TET1: variants seen among roughly 807,000 people sequenced by gnomAD.
The protein encoded by TET1 is tet methylcytosine dioxygenase 1, also known as methylcytosine dioxygenase TET1.
TET1 carries 13 observed loss-of-function variants against 148.7 expected under a neutral mutation model. That is an observed-to-expected ratio of 0.09 (90% confidence interval 0.06 to 0.14). TET1 has a LOEUF of 0.14. Among genes scored for constraint, TET1 ranks in the 10% least tolerant of loss-of-function variants. TET1 has a pLI of 1.00. For synonymous variants in TET1, 907 were observed against 937.2 expected (o/e 0.97, Z 0.59); for missense variants, 2,182 against 2,553.8 (o/e 0.85, Z 3.14).
At chr10:68,659,775 A>T (rs982788163) in intron 6 of TET1, among the ~76,000 whole-genome samples, 6 of 152,236 alleles carry the variant, frequency 3.9e-5, no homozygotes. Flanking sequence ...AAAAGTATAC[A>T]TACCATAAGG....
intron 3 of TET1, among the ~76,000 whole-genome samples, chr10:68,643,012 C>A (rs528651197): frequency 4.6e-5 from 7 of 152,082 alleles, no homozygotes; most frequent in South Asian, 2.1e-4. Flanking sequence ...AACCCCAGTA[C>A]TTTGGGAGGT....
chr10:68,612,609 G>C (rs2054232929), intron 3 of TET1, among the ~76,000 whole-genome samples: 2 of 151,772 alleles, frequency 1.3e-5, no homozygotes, highest in Non-Finnish European at 2.9e-5. Context: ...CTATATGTAT[G>C]GGGGTTTTTT....
At chr10:68,595,068 G>A (rs1294823424) in intron 2 of TET1, among the ~76,000 whole-genome samples, 1 of 150,938 alleles carries the variant, frequency 6.6e-6, no homozygotes, top group Non-Finnish European at 1.5e-5. Flanking sequence ...TGGGAGGATC[G>A]CTTGAGCCCA....
At chr10:68,589,609 G>A (rs2053896485) in intron 2 of TET1, among the ~76,000 whole-genome samples, 2 of 150,900 alleles carry the variant, frequency 1.3e-5, no homozygotes, top group Non-Finnish European at 2.9e-5. Flanking sequence ...CAGCCTTAGT[G>A]CTCTGGGAGA....
At chr10:68,569,921 A>AT (rs2053648344) in intron 1 of TET1, among the ~76,000 whole-genome samples, 1 of 152,284 alleles carries the variant, frequency 6.6e-6, no homozygotes, top group Admixed American at 6.5e-5. Flanking sequence ...AAGAAGCTTT[A>AT]TAGTGAATCT....
At chr10:68,658,811 T>C (rs3858149) in intron 6 of TET1, among the ~76,000 whole-genome samples, 110,493 of 152,016 alleles carry the variant, frequency 0.73, 41,675 homozygotes, top group East Asian at 0.84. Flanking sequence ...GAGGCTGCAG[T>C]GAACTGAGAT....
At chr10:68,615,356 C>CTTTT (rs71019038) in intron 3 of TET1, among the ~76,000 whole-genome samples, 3 of 145,280 alleles carry the variant, frequency 2.1e-5, no homozygotes, top group African/African-American at 7.6e-5. Context: ...CTTTTCTTTT[C>CTTTT]TTTTTTTGAG....
At chr10:68,567,500 G>T (rs1036391321) in intron 1 of TET1, among the ~76,000 whole-genome samples, 1 of 151,892 alleles carries the variant, frequency 6.6e-6, no homozygotes, top group African/African-American at 2.4e-5. Flanking sequence ...CTCCATGTTG[G>T]TCACGCTGGT....
chr10:68,628,288 C>T (rs2054518683), intron 3 of TET1, among the ~76,000 whole-genome samples: 1 of 152,144 alleles, frequency 6.6e-6, no homozygotes, highest in African/African-American at 2.4e-5. Context: ...GAGAAGAATG[C>T]AATAAAGGCC....
chr10:68,572,436 G>C lies in TET1; in HGVS notation c.98G>C (p.Gly33Ala). The C allele has an allele frequency of 1.9e-6, 3 of 1,613,960 alleles. No homozygotes were observed. Among genetic ancestry groups the C allele is most frequent in the Non-Finnish European group, 2.5e-6 (3 of 1,179,988 alleles). Reference sequence around the variant, plus strand: ...AGCCAACTACGAAAGACAACCAAGGGAGCCAACAAAAATGTGGCATCAGTC... The same window carrying C: ...AGCCAACTACGAAAGACAACCAAGGCAGCCAACAAAAATGTGGCATCAGTC... ...KNSQLRKTTK[G>A]ANKNVASVKT... The change falls in exon 2 of 12, where the codon GGA (glycine) becomes GCA (alanine). Residue 33 changes from glycine (G) to alanine (A), a missense_variant. Physicochemically the swap from Gly to Ala is moderately conservative, Grantham distance 60. Coordinates refer to ENST00000373644, the MANE Select transcript of TET1 (RefSeq NM_030625.3).
intron 6 of TET1, among the ~76,000 whole-genome samples, chr10:68,664,187 A>G (rs2055162275): frequency 6.6e-6 from 1 of 152,056 alleles, no homozygotes; most frequent in Non-Finnish European, 1.5e-5. Context: ...ATTGTCGGAC[A>G]TATATTCATA....
chr10:68,611,554 G>A (rs2054210488), intron 3 of TET1, among the ~76,000 whole-genome samples: 1 of 152,040 alleles, frequency 6.6e-6, no homozygotes, highest in South Asian at 2.1e-4. Context: ...CAGGAGGCTA[G>A]GGTGAGAGGA....
Position 68,693,847 on chromosome 10 carries a change from C to T in TET1, c.*2033C>T, listed in dbSNP as rs1022067247. The T allele has an allele frequency of 3.0e-5, 7 of 231,220 alleles. No homozygotes were observed. The highest frequency in any genetic ancestry group is 1.5e-4 in the African/African-American group (7 of 45,236). 14.3% of individuals were successfully genotyped at this position (231,220 alleles called of 1,614,324 possible). A position where few individuals can be genotyped will look rare whatever the true frequency, so the allele number is the denominator to read the frequency against. ...GCTCCCACTAGAAATTATTTCTTCA[C>T]CAGATTTAATGGATAAAGTTTTATG... On this transcript the variant is annotated 3_prime_UTR_variant, in exon 12 of 12. Coordinates refer to ENST00000373644, the MANE Select transcript of TET1 (RefSeq NM_030625.3).
At chr10:68,610,222 G>T (rs1424671578) in intron 3 of TET1, among the ~76,000 whole-genome samples, 1 of 152,070 alleles carries the variant, frequency 6.6e-6, no homozygotes, top group African/African-American at 2.4e-5. Context: ...GATGGAGCTT[G>T]CAGTGAGCTG....
intron 8 of TET1, among the ~76,000 whole-genome samples, chr10:68,681,078 C>T (rs973843582): frequency 2.0e-5 from 3 of 152,152 alleles, no homozygotes; most frequent in African/African-American, 7.2e-5. Flanking sequence ...TGCATTTATT[C>T]CAAGTGTGCA....
intron 6 of TET1, among the ~76,000 whole-genome samples, chr10:68,664,040 C>T (rs551544870): frequency 2.0e-5 from 3 of 152,188 alleles, no homozygotes; most frequent in East Asian, 3.9e-4. Context: ...GCTCCCATCG[C>T]GCAGGCTGTA....
chr10:68,598,911 G>A (rs2054019474), intron 2 of TET1, among the ~76,000 whole-genome samples: 1 of 151,878 alleles, frequency 6.6e-6, no homozygotes, highest in African/African-American at 2.4e-5. Flanking sequence ...GGTCTCAAAC[G>A]CCTGACCTCA....
chr10:68,657,429 G>T (rs537824865), intron 6 of TET1, among the ~76,000 whole-genome samples: 4 of 152,288 alleles, frequency 2.6e-5, no homozygotes, highest in African/African-American at 9.6e-5. Context: ...GCCCACCTCA[G>T]CCTCCCAAAG....
intron 6 of TET1, among the ~76,000 whole-genome samples, chr10:68,661,225 G>GTTTTTT (rs1564498225): frequency 5.0e-4 from 47 of 94,858 alleles, no homozygotes; most frequent in African/African-American, 1.3e-3. Flanking sequence ...TTTTTTTGTA[G>GTTTTTT]TTTTAGTAGA....
Sources: allele counts gnomAD v4.1 joint callset (sites outside exome capture counted in the v4.1 genomes callset), GRCh38; gene constraint gnomAD v4.1.1; transcripts MANE v1.5; gene names NCBI Gene and HGNC (gene_info 2026-07-23, HGNC 2026-07-21).